GABRB1: variants seen among roughly 807,000 people sequenced by gnomAD.
GABRB1 encodes the protein gamma-aminobutyric acid type A receptor subunit beta1.
In GABRB1, 17 loss-of-function variants were observed where a neutral mutation model predicts 51.6. The observed-to-expected ratio is 0.33, with a 90% CI of 0.23 to 0.49. The LOEUF (loss-of-function observed/expected upper bound fraction) is 0.49, where lower values mean the gene tolerates loss of function less well. Among genes scored for constraint, GABRB1 ranks in the 20% least tolerant of loss-of-function variants. GABRB1 has a pLI of 0.99. For synonymous variants in GABRB1, 247 were observed against 218.9 expected, an observed-to-expected ratio of 1.13 and a Z score of -1.14; for missense variants, 410 against 600.6, an observed-to-expected ratio of 0.68 and a Z score of 3.32.
intron 5 of GABRB1, among the ~76,000 whole-genome samples, chr4:47,341,704 T>A (rs1725906994): frequency 6.6e-6 from 1 of 152,222 alleles, no homozygotes; most frequent in African/African-American, 2.4e-5. Context: ...GTAATTGTTT[T>A]TCTGGCTTAA....
At chr4:47,333,235 T>C (rs201079176) in intron 5 of GABRB1, among the ~76,000 whole-genome samples, 8,339 of 33,212 alleles carry the variant, frequency 0.25, 485 homozygotes, top group East Asian at 0.56. Context: ...TATATATATA[T>C]ACACACCACG....
chr4:47,169,004 A>T (rs1718328370), intron 4 of GABRB1, among the ~76,000 whole-genome samples: 1 of 152,026 alleles, frequency 6.6e-6, no homozygotes, highest in Non-Finnish European at 1.5e-5. Context: ...GTCATATTGG[A>T]TTAGGACCCA....
intron 1 of GABRB1, among the ~76,000 whole-genome samples, chr4:47,014,369 G>A (rs779823890): frequency 3.3e-5 from 5 of 152,096 alleles, no homozygotes; most frequent in Non-Finnish European, 7.4e-5. Context: ...TCTTTATAAA[G>A]AACCTGTCAA....
At chr4:47,335,028 G>T (rs11939093) in intron 5 of GABRB1, among the ~76,000 whole-genome samples, 5 of 152,196 alleles carry the variant, frequency 3.3e-5, no homozygotes, top group South Asian at 2.1e-4. Context: ...GTCCATCTTA[G>T]TCATTAGGCA....
upstream of GABRB1, among the ~76,000 whole-genome samples, chr4:47,028,054 A>C (rs1725157680): frequency 6.6e-6 from 1 of 151,792 alleles, no homozygotes; most frequent in African/African-American, 2.4e-5. Context: ...TTAAACTAGC[A>C]AACCAACAAG....
Position 47,373,364 on chromosome 4 carries a change from G to A in GABRB1, c.545-29954G>A, listed in dbSNP as rs75202321. The stretch of plus-strand genomic sequence containing the variant: ...AAAAGATGTGTCATCACACATGTTT[G>A]TAGTTCTCTCCAGAATGTAAAATAC... On this transcript the variant is annotated intron_variant, in intron 5 of 8. Coordinates refer to ENST00000295454, the MANE Select transcript of GABRB1 (RefSeq NM_000812.4). 7.5e-3 allele frequency among the ~76,000 whole-genome samples: 1,140 copies of A among 152,262 alleles called. 9 individuals are homozygous for A. The highest frequency in any genetic ancestry group is 0.025 in the African/African-American group (1,034 of 41,550).
chr4:47,117,576 A>G (rs1577922621), intron 3 of GABRB1, among the ~76,000 whole-genome samples: 1 of 152,202 alleles, frequency 6.6e-6, no homozygotes, highest in Non-Finnish European at 1.5e-5. Context: ...GTTTTGCAAT[A>G]TATTTGGTTC....
In GABRB1 at chr4:47,271,731, G is replaced by T. The variant is rs1022476973; in HGVS notation, c.462-48396G>T. On this transcript the variant is annotated intron_variant, in intron 4 of 8. Coordinates refer to ENST00000295454, the MANE Select transcript of GABRB1 (RefSeq NM_000812.4). Reference sequence around the variant, plus strand: ...GTAACGTTTCAGGAGTGGGACAGTGGAAGTGGTTCACCTCAGATGCAAGCA... The same window carrying T: ...GTAACGTTTCAGGAGTGGGACAGTGTAAGTGGTTCACCTCAGATGCAAGCA... Among the ~76,000 whole-genome samples, 3 of 152,112 alleles carry T rather than the reference G, an allele frequency of 2.0e-5. No homozygotes were observed. In the East Asian group the frequency reaches 5.8e-4, roughly 29 times the overall value.
rs1175174613 is a variant in GABRB1 at position 47,063,205 on chromosome 4, T to C, written c.240+30721T>C. On this transcript the variant is annotated intron_variant, in intron 3 of 8. Transcript: ENST00000295454. ...CCACGACCGATGCAGGCCTTGAACG[T>C]GCCAAGCAGGCTCCCAGGTCAGAAC... Among the ~76,000 whole-genome samples the C allele has an allele frequency of 2.6e-5, 4 of 152,148 alleles. No individual in the cohort carries two copies. The East Asian group carries it at 5.8e-4, about 22-fold the overall frequency.
intron 4 of GABRB1, among the ~76,000 whole-genome samples, chr4:47,186,865 T>C (rs1719203370): frequency 6.6e-6 from 1 of 151,914 alleles, no homozygotes. Flanking sequence ...TTGAATAAAG[T>C]GCTAGACTTT....
intron 3 of GABRB1, among the ~76,000 whole-genome samples, chr4:47,102,011 C>G (rs1378338562): frequency 6.6e-6 from 1 of 151,926 alleles, no homozygotes; most frequent in Admixed American, 6.6e-5. Context: ...CAAATAAACT[C>G]CACTCTCTGT....
chr4:47,353,803 C>T (rs1014700781), intron 5 of GABRB1, among the ~76,000 whole-genome samples: 7 of 152,176 alleles, frequency 4.6e-5, no homozygotes, highest in Admixed American at 3.9e-4. Flanking sequence ...ACCGAGTTCA[C>T]AACTCTTTTA....
intron 3 of GABRB1, among the ~76,000 whole-genome samples, chr4:47,061,080 GA>G (rs1309764472): frequency 6.6e-6 from 1 of 152,036 alleles, no homozygotes; most frequent in Non-Finnish European, 1.5e-5. Context: ...ATTTTGCTAG[GA>G]AAATAATAAT....
intron 5 of GABRB1, among the ~76,000 whole-genome samples, chr4:47,333,840 C>T (rs1289705288): frequency 6.6e-6 from 1 of 152,118 alleles, no homozygotes; most frequent in East Asian, 1.9e-4. Context: ...CACACTGTGC[C>T]CTATAGGTAC....
chr4:47,006,873 G>A (rs1724417456), intron 1 of GABRB1, among the ~76,000 whole-genome samples: 1 of 152,176 alleles, frequency 6.6e-6, no homozygotes, highest in African/African-American at 2.4e-5. Flanking sequence ...ATAAACTTTA[G>A]GCTGGGGATG....
chr4:47,372,717 G>GATGTCGAT (rs1195193227), intron 5 of GABRB1, among the ~76,000 whole-genome samples: 1 of 152,152 alleles, frequency 6.6e-6, no homozygotes, highest in Non-Finnish European at 1.5e-5. Context: ...TCCAGTGCCA[G>GATGTCGAT]ATGTCGATGC....
intron 3 of GABRB1, among the ~76,000 whole-genome samples, chr4:47,151,121 G>C (rs945581827): frequency 2.6e-5 from 4 of 151,898 alleles, no homozygotes; most frequent in Admixed American, 6.6e-5. Flanking sequence ...CATTCTTTCT[G>C]TTAGAACATC....
intron 3 of GABRB1, among the ~76,000 whole-genome samples, chr4:47,087,827 G>C (rs928456326): frequency 2.0e-5 from 3 of 152,064 alleles, no homozygotes; most frequent in Admixed American, 6.6e-5. Context: ...CTAACTGTTG[G>C]ATTATTTGAG....
chr4:47,242,494 G>C (rs1308426114), intron 4 of GABRB1, among the ~76,000 whole-genome samples: 3 of 152,200 alleles, frequency 2.0e-5, no homozygotes, highest in Non-Finnish European at 4.4e-5. Context: ...CTAGCTTACA[G>C]TCCCAGCAAC....
Sources: gnomAD v4.1 joint callset for allele counts (sites outside exome capture counted in the v4.1 genomes callset) on GRCh38, gnomAD v4.1.1 for gene constraint, MANE v1.5 for transcripts, NCBI Gene and HGNC (gene_info 2026-07-23, HGNC 2026-07-21) for gene names.